Variants in CYB561 observed in about 807,000 individuals in gnomAD.
CYB561 encodes the protein cytochrome b561.
A neutral mutation model predicts 25.3 loss-of-function variants in CYB561; 11 were observed. The ratio of observed to expected loss-of-function variants is 0.44; its 90% confidence interval spans 0.27 to 0.72. The LOEUF is 0.72. Ranked by LOEUF, CYB561 falls within the 30% of genes least tolerant of loss-of-function variation. The pLI, the probability that CYB561 is intolerant of heterozygous loss-of-function variation, is 0.18. For synonymous variants in CYB561, 165 were observed against 158.8 expected, an observed-to-expected ratio of 1.04 and a Z score of -0.29; for missense variants, 295 against 334.9, an observed-to-expected ratio of 0.88 and a Z score of 0.93.
chr17:63,434,230 G>A lies in CYB561; in HGVS notation c.*172C>T. 1 of 607,852 alleles carries A rather than the reference G, an allele frequency of 1.6e-6. No individual in the cohort carries two copies. Among genetic ancestry groups the A allele is most frequent in the Non-Finnish European group, 2.9e-6 (1 of 346,256 alleles). The allele number at this position is 607,852 out of a possible 1,614,324, so 37.7% of individuals were successfully genotyped here. On this transcript the variant is annotated 3_prime_UTR_variant, in exon 6 of 6. Coordinates refer to ENST00000360793, the MANE Select transcript of CYB561 (RefSeq NM_001915.4). ...CTGGTCTATAGCAGCGGAGAAAGGA[G>A]AAGCAGAGGAGGCGGAGACCTGACC...
chr17:63,436,472 C>T lies in CYB561; in HGVS notation c.203-320G>A, dbSNP rs939946444. On this transcript the variant is annotated intron_variant, in intron 2 of 5. Coordinates refer to ENST00000360793, the MANE Select transcript of CYB561 (RefSeq NM_001915.4). This position sits in a 1 kb window ranked among gnomAD's most constrained non-coding sequence, Gnocchi z 4.8. ...CCAGGACAGGCAGTGAAGGCAGCGC[C>T]TCTGCCCTCGTCCCCACCTAAAGGA... 7.2e-6 allele frequency: 2 copies of T among 276,398 alleles called. No individual in the cohort carries two copies. Among genetic ancestry groups the T allele is most frequent in the African/African-American group, 4.4e-5 (2 of 45,838 alleles). 17.1% of individuals were successfully genotyped at this position (276,398 alleles called of 1,614,324 possible).
At chr17:63,438,929 A>C (rs2049346855) in intron 1 of CYB561, among the ~76,000 whole-genome samples, 1 of 152,174 alleles carries the variant, frequency 6.6e-6, no homozygotes, top group African/African-American at 2.4e-5. Context: ...GCCATGGCCC[A>C]CAGTTGCCAC....
intron 1 of CYB561, among the ~76,000 whole-genome samples, chr17:63,442,597 C>G (rs753816637): frequency 4.6e-5 from 7 of 152,150 alleles, no homozygotes; most frequent in Non-Finnish European, 8.8e-5. Flanking sequence ...CTCCCCACCC[C>G]CAAGGGCTCC....
In CYB561 at chr17:63,436,831, G is replaced by C; in HGVS notation, c.202+515C>G. On this transcript the variant is annotated intron_variant, in intron 2 of 5. Transcript: ENST00000360793. This position sits in a 1 kb window ranked among gnomAD's most constrained non-coding sequence, Gnocchi z 4.8. ...TGGCTGTCACCAGGACCACCTCTAGGAAGAGCGGGTCAACCGGATGCAGAT... is the reference window on the plus strand; with the variant it reads ...TGGCTGTCACCAGGACCACCTCTAGCAAGAGCGGGTCAACCGGATGCAGAT... 5.9e-6 allele frequency: 1 copy of C among 168,934 alleles called. No individual in the cohort carries two copies. Among genetic ancestry groups the C allele is most frequent in the Non-Finnish European group, 1.3e-5 (1 of 77,098 alleles). The allele number at this position is 168,934 out of a possible 1,614,324, so 10.5% of individuals were successfully genotyped here.
At chr17:63,435,859 G>A (rs1291699627) in intron 3 of CYB561, 68 bp from the exon 4 acceptor site, 1 of 1,586,908 alleles carries the variant, frequency 6.3e-7, no homozygotes, top group Non-Finnish European at 8.6e-7. Context: ...GATGACCCAG[G>A]GGAACCAGCT....
chr17:63,435,136 G>A lies in CYB561; in HGVS notation c.513C>T (p.Ser171=), dbSNP rs761632628. 35 of 1,614,094 alleles carry A rather than the reference G, an allele frequency of 2.2e-5. No homozygotes were observed. The highest frequency in any genetic ancestry group is 2.0e-4 in the Admixed American group (12 of 60,016). Residue 171 remains serine, a synonymous_variant, in exon 5 of 6, where the codon TCC becomes TCT. Transcript: ENST00000360793. ...TCAGGCCCAGCAGGGCGGTGCCCAC[G>A]GAAAGGAGGAAGATGGTAGCACCAA... ...IFFGATIFLL[S]VGTALLGLKE...
chr17:63,441,543 A>G (rs1232227395), intron 1 of CYB561, among the ~76,000 whole-genome samples: 1 of 152,142 alleles, frequency 6.6e-6, no homozygotes, highest in African/African-American at 2.4e-5. Flanking sequence ...TACAGACCCA[A>G]TTTTCAGGTA....
chr17:63,443,659 C>T (rs2049397470), intron 1 of CYB561, among the ~76,000 whole-genome samples: 1 of 152,194 alleles, frequency 6.6e-6, no homozygotes, highest in African/African-American at 2.4e-5. Context: ...ACAGTGTCTA[C>T]CTCTGTCACC....
intron 1 of CYB561, chr17:63,438,170 G>A (rs764291725): frequency 1.3e-6 from 2 of 1,535,686 alleles, no homozygotes; most frequent in South Asian, 2.4e-5. Flanking sequence ...TGCAAGGAAA[G>A]ATACCCCAAA....
intron 1 of CYB561, 196 bp from the exon 2 acceptor site, chr17:63,437,756 C>A: frequency 2.3e-6 from 1 of 428,662 alleles, no homozygotes; most frequent in Admixed American, 4.1e-5. Context: ...ATGCGCACAG[C>A]CGCCCCTGCT....
At chr17:63,444,417 A>G (rs2049404038) in intron 1 of CYB561, among the ~76,000 whole-genome samples, 1 of 152,238 alleles carries the variant, frequency 6.6e-6, no homozygotes, top group African/African-American at 2.4e-5. Context: ...ACACAGAAGG[A>G]GTAAGTGGAT....
rs2049257679 is a variant in CYB561 at position 63,433,530 on chromosome 17, A to AAAT, written c.*869_*871dup. The AAAT allele has an allele frequency of 2.5e-6, 1 of 395,086 alleles. No homozygotes were observed. The highest frequency in any genetic ancestry group is 2.1e-5 in the African/African-American group (1 of 48,542). 24.5% of individuals were successfully genotyped at this position (395,086 alleles called of 1,614,324 possible). A position where few individuals can be genotyped will look rare whatever the true frequency, so the allele number is the denominator to read the frequency against. The stretch of plus-strand genomic sequence containing the variant: ...CAGCAGCAGCGGTTTTTCATTTAAA[A>AAAT]AATTATAAGGTTTGTGCCCTCTGCC... On this transcript the variant is annotated 3_prime_UTR_variant, in exon 6 of 6. Transcript: ENST00000360793.
chr17:63,445,711 T>A (rs116130244), intron 1 of CYB561, among the ~76,000 whole-genome samples: 2 of 152,032 alleles, frequency 1.3e-5, no homozygotes, highest in Non-Finnish European at 2.9e-5. Flanking sequence ...ACCGAAGCCA[T>A]GGGGCTTTCC....
chr17:63,440,647 G>T lies in CYB561; in HGVS notation c.-13-3087C>A, dbSNP rs575346098. On this transcript the variant is annotated intron_variant, in intron 1 of 5. Transcript: ENST00000360793. ...GGCCCAGCCTGGCTCCCTGCTGTGGGCCCACACCCCTGCCTCCACTCCTCA... is the reference window on the plus strand; with the variant it reads ...GGCCCAGCCTGGCTCCCTGCTGTGGTCCCACACCCCTGCCTCCACTCCTCA... 3.5e-3 allele frequency: 587 copies of T among 168,690 alleles called. 3 individuals are homozygous for T. Among genetic ancestry groups the T allele is most frequent in the Non-Finnish European group, 5.4e-3 (432 of 79,586 alleles). The allele number at this position is 168,690 out of a possible 1,614,324, so 10.4% of individuals were successfully genotyped here.
At chr17:63,445,604 G>C (rs1175048177) in intron 1 of CYB561, among the ~76,000 whole-genome samples, 1 of 141,846 alleles carries the variant, frequency 7.0e-6, no homozygotes, top group Non-Finnish European at 1.6e-5. Context: ...GGGAGGGAGG[G>C]AGGGTGGCCC....
intron 1 of CYB561, among the ~76,000 whole-genome samples, chr17:63,441,203 T>C (rs1390072929): frequency 6.6e-6 from 1 of 152,162 alleles, no homozygotes; most frequent in African/African-American, 2.4e-5. Flanking sequence ...AACCATAACA[T>C]TGTTTGCTCC....
At chr17:63,444,830 T>C (rs1382514076) in intron 1 of CYB561, among the ~76,000 whole-genome samples, 1 of 152,202 alleles carries the variant, frequency 6.6e-6, no homozygotes, top group Non-Finnish European at 1.5e-5. Flanking sequence ...CATCCCAGTA[T>C]TAGCAGGAGC....
In CYB561 at chr17:63,436,026, G is replaced by A; in HGVS notation, c.301+28C>T. On this transcript the variant is annotated intron_variant, in intron 3 of 5. Transcript: ENST00000360793. This position sits in a 1 kb window ranked among gnomAD's most constrained non-coding sequence, Gnocchi z 4.8. Reference sequence around the variant, plus strand: ...CCATACCTGAAGAGGCAGGCAGGTGGCGGGGAAGGCCGCGCCCGGGAACTC... The same window carrying A: ...CCATACCTGAAGAGGCAGGCAGGTGACGGGGAAGGCCGCGCCCGGGAACTC... 6.2e-7 allele frequency: 1 copy of A among 1,613,766 alleles called. No homozygotes were observed. Among genetic ancestry groups the A allele is most frequent in the Non-Finnish European group, 8.5e-7 (1 of 1,179,876 alleles).
chr17:63,445,812 C>T (rs1327704691), intron 1 of CYB561: 1 of 152,350 alleles, frequency 6.6e-6, no homozygotes, highest in Non-Finnish European at 1.5e-5. Flanking sequence ...AGCCCGGGCC[C>T]TGCTCGGGGC....
Sources: gnomAD v4.1 joint callset for allele counts (sites outside exome capture counted in the v4.1 genomes callset) on GRCh38, gnomAD v4.1.1 for gene constraint, Gnocchi (gnomAD v3.1) non-coding constraint, MANE v1.5 for transcripts, NCBI Gene and HGNC (gene_info 2026-07-23, HGNC 2026-07-21) for gene names.